Variants in HYCC2 observed in about 807,000 individuals in gnomAD.
The protein encoded by HYCC2 is hyccin 2.
At chr2:201,032,870 C>T in the HYCC2 span, among the ~76,000 whole-genome samples, 2 of 151,796 alleles carry the variant, frequency 1.3e-5, no homozygotes, top group East Asian at 1.9e-4. Flanking sequence ...TACTATGTTG[C>T]CCAGGCTACA....
the HYCC2 span, among the ~76,000 whole-genome samples, chr2:201,041,511 G>T: frequency 1.3e-5 from 2 of 152,336 alleles, no homozygotes; most frequent in African/African-American, 2.4e-5. Context: ...TTCTGATCTT[G>T]TAAGTCTCAG....
chr2:200,993,999 G>A, the HYCC2 span, among the ~76,000 whole-genome samples: 367 of 151,720 alleles, frequency 2.4e-3, 3 homozygotes, highest in African/African-American at 8.6e-3. Flanking sequence ...AATAAAAATA[G>A]CATTATATTA....
At chr2:201,051,775 T>C in the HYCC2 span, among the ~76,000 whole-genome samples, 2 of 152,148 alleles carry the variant, frequency 1.3e-5, no homozygotes, top group Non-Finnish European at 2.9e-5. Flanking sequence ...GTATTAAGCA[T>C]ATGTATTGCC....
the HYCC2 span, among the ~76,000 whole-genome samples, chr2:201,027,349 GA>G: frequency 6.6e-6 from 1 of 152,062 alleles, no homozygotes; most frequent in South Asian, 2.1e-4. Flanking sequence ...AAAAGCCCAG[GA>G]CCAGACGGAT....
At chr2:201,040,185 A>C in the HYCC2 span, among the ~76,000 whole-genome samples, 2 of 151,848 alleles carry the variant, frequency 1.3e-5, no homozygotes, top group Non-Finnish European at 2.9e-5. Context: ...AAAAAAAAAA[A>C]AGTGAGGAAA....
the HYCC2 span, among the ~76,000 whole-genome samples, chr2:201,060,639 C>T: frequency 1.3e-5 from 2 of 152,156 alleles, no homozygotes; most frequent in Admixed American, 6.5e-5. Flanking sequence ...AGATCTCCTA[C>T]GTCTGAATTT....
chr2:201,000,628 TGGTA>T, the HYCC2 span, among the ~76,000 whole-genome samples: 4 of 152,078 alleles, frequency 2.6e-5, no homozygotes, highest in Non-Finnish European at 4.4e-5. Context: ...AAACGTAAAA[TGGTA>T]CAGCTACTCT....
chr2:201,040,034 C>T, the HYCC2 span, among the ~76,000 whole-genome samples: 1 of 151,944 alleles, frequency 6.6e-6, no homozygotes. Flanking sequence ...ATTAGCCAGG[C>T]GTGGTGGTGG....
At chr2:201,016,624 G>A in the HYCC2 span, among the ~76,000 whole-genome samples, 1 of 150,806 alleles carries the variant, frequency 6.6e-6, no homozygotes, top group Non-Finnish European at 1.5e-5. Flanking sequence ...TTTTGAGACG[G>A]AGTCTCACTC....
the HYCC2 span, among the ~76,000 whole-genome samples, chr2:201,012,364 G>C: frequency 4.6e-5 from 7 of 152,128 alleles, no homozygotes; most frequent in African/African-American, 1.4e-4. Flanking sequence ...AGGAGGCTGA[G>C]GTGGGAGGAT....
the HYCC2 span, among the ~76,000 whole-genome samples, chr2:201,001,741 C>T: frequency 7.9e-5 from 12 of 151,940 alleles, no homozygotes; most frequent in Admixed American, 6.5e-4. Flanking sequence ...GGCACAATCT[C>T]GGCTCACTGC....
the HYCC2 span, among the ~76,000 whole-genome samples, chr2:201,003,037 A>C: frequency 3.3e-5 from 5 of 152,206 alleles, no homozygotes; most frequent in Non-Finnish European, 5.9e-5. Context: ...ATTAAAAAGA[A>C]TAAGATATCT....
At chr2:201,045,665 T>C in the HYCC2 span, 1,769 of 395,212 alleles carry the variant, frequency 4.5e-3, 22 homozygotes, top group African/African-American at 0.034. Context: ...AAGAACAGTT[T>C]TGATAGGCAT....
the HYCC2 span, among the ~76,000 whole-genome samples, chr2:201,027,202 TA>T: frequency 1.3e-5 from 2 of 152,112 alleles, no homozygotes; most frequent in East Asian, 3.8e-4. Context: ...GCAAATAAAC[TA>T]GAAAATCTAG....
At chr2:201,032,899 CAAAATT>C in the HYCC2 span, among the ~76,000 whole-genome samples, 1 of 151,854 alleles carries the variant, frequency 6.6e-6, no homozygotes, top group Admixed American at 6.6e-5. Context: ...TTTTAAACAT[CAAAATT>C]AAAAGTTTTT....
At chr2:201,034,901 CT>C in the HYCC2 span, among the ~76,000 whole-genome samples, 3 of 152,130 alleles carry the variant, frequency 2.0e-5, no homozygotes, top group Non-Finnish European at 4.4e-5. Context: ...GTTGAAAATT[CT>C]TTTCTTTAAG....
chr2:201,031,554 G>A, the HYCC2 span, among the ~76,000 whole-genome samples: 1 of 152,196 alleles, frequency 6.6e-6, no homozygotes, highest in African/African-American at 2.4e-5. Flanking sequence ...AGGATGCTGA[G>A]GCAGGAGAGT....
chr2:201,029,803 T>C, the HYCC2 span, among the ~76,000 whole-genome samples: 2 of 152,116 alleles, frequency 1.3e-5, no homozygotes, highest in Non-Finnish European at 2.9e-5. Flanking sequence ...GGGGGAAGGA[T>C]AGCCATTAGG....
the HYCC2 span, chr2:201,008,975 G>T: frequency 6.3e-7 from 1 of 1,594,976 alleles, no homozygotes; most frequent in Non-Finnish European, 8.6e-7. Context: ...ACCATTACCG[G>T]TTCTGTGCAG....
Sources: allele counts gnomAD v4.1 joint callset (sites outside exome capture counted in the v4.1 genomes callset), GRCh38; gene constraint gnomAD v4.1.1; transcripts MANE v1.5; gene names NCBI Gene and HGNC (gene_info 2026-07-23, HGNC 2026-07-21).